Variants in CALN1 observed in about 807,000 individuals in gnomAD.
CALN1 encodes calcium-binding protein 8.
Under a neutral mutation model 30.6 loss-of-function variants are expected in CALN1, and 17 were observed. That is an observed-to-expected ratio of 0.56 (90% CI 0.38 to 0.83). The LOEUF (loss-of-function observed/expected upper bound fraction) is 0.83. CALN1 is among the 40% of genes least tolerant of loss of function. CALN1 has a pLI of 0.00. For missense variants in CALN1, 291 were observed against 354.9 expected (o/e 0.82, Z 1.45); for synonymous variants, 156 against 131.4 (o/e 1.19, Z -1.28).
intron 5 of CALN1, among the ~76,000 whole-genome samples, chr7:71,970,303 C>T (rs1175419312): frequency 2.6e-5 from 4 of 152,152 alleles, no homozygotes; most frequent in Non-Finnish European, 5.9e-5. Context: ...TGATTGCTTC[C>T]TTCCAATCCC....
chr7:72,503,229 C>T, the CALN1 span, among the ~76,000 whole-genome samples: 8 of 152,110 alleles, frequency 5.3e-5, no homozygotes, highest in Non-Finnish European at 5.9e-5. Flanking sequence ...GGGGCTGGGA[C>T]GCTAGCACTA....
intron 4 of CALN1, among the ~76,000 whole-genome samples, chr7:72,088,840 T>C (rs1262144104): frequency 6.6e-6 from 1 of 152,036 alleles, no homozygotes; most frequent in Non-Finnish European, 1.5e-5. Context: ...CATTTGTTTA[T>C]GTGTGTTAAG....
intron 5 of CALN1, among the ~76,000 whole-genome samples, chr7:71,838,268 T>C (rs901992444): frequency 6.6e-6 from 1 of 152,162 alleles, no homozygotes. Flanking sequence ...TTAAGCAGGC[T>C]TGTAGTTAAG....
At chr7:72,050,273 T>C (rs759676824) in intron 4 of CALN1, among the ~76,000 whole-genome samples, 18 of 152,318 alleles carry the variant, frequency 1.2e-4, no homozygotes, top group Non-Finnish European at 2.2e-4. Context: ...CATTATGCCA[T>C]GTTGTCTTTC....
chr7:71,975,018 A>G (rs1373607887), intron 5 of CALN1, among the ~76,000 whole-genome samples: 1 of 152,174 alleles, frequency 6.6e-6, no homozygotes, highest in Non-Finnish European at 1.5e-5. Context: ...AGGGCGGCAC[A>G]TCAGTCACCA....
the CALN1 span, among the ~76,000 whole-genome samples, chr7:72,484,270 AT>A: frequency 6.6e-6 from 1 of 151,026 alleles, no homozygotes; most frequent in South Asian, 2.1e-4. Context: ...AGTATTCTTG[AT>A]TTTTTTTTCT....
At chr7:72,154,130 G>C (rs1374341613) in intron 3 of CALN1, among the ~76,000 whole-genome samples, 1 of 151,894 alleles carries the variant, frequency 6.6e-6, no homozygotes, top group Non-Finnish European at 1.5e-5. Context: ...CAGAAGGCTG[G>C]GATTGGGAAA....
At chr7:71,827,506 C>T (rs946653812) in intron 5 of CALN1, among the ~76,000 whole-genome samples, 6 of 152,108 alleles carry the variant, frequency 3.9e-5, no homozygotes, top group Non-Finnish European at 8.8e-5. Flanking sequence ...CATGGTGGCT[C>T]ACGCCTGTAA....
the CALN1 span, among the ~76,000 whole-genome samples, chr7:72,459,841 G>A: frequency 6.6e-6 from 1 of 152,152 alleles, no homozygotes; most frequent in African/African-American, 2.4e-5. Flanking sequence ...TAGCACCAAA[G>A]TCCAGTCTCC....
intron 4 of CALN1, among the ~76,000 whole-genome samples, chr7:72,087,733 A>C (rs1281301246): frequency 6.6e-6 from 1 of 152,228 alleles, no homozygotes; most frequent in Non-Finnish European, 1.5e-5. Flanking sequence ...AACAGCTATG[A>C]GGGGTATTGG....
intron 5 of CALN1, among the ~76,000 whole-genome samples, chr7:71,836,869 C>T (rs540789117): frequency 2.0e-5 from 3 of 151,280 alleles, no homozygotes; most frequent in Admixed American, 6.6e-5. Flanking sequence ...CTGCCCACCT[C>T]GGCCTCCCAA....
intron 3 of CALN1, among the ~76,000 whole-genome samples, chr7:72,124,021 G>C (rs888633465): frequency 2.0e-5 from 3 of 152,060 alleles, no homozygotes; most frequent in Non-Finnish European, 4.4e-5. Context: ...ATTGCTTTAG[G>C]AATTCTATCT....
intron 3 of CALN1, among the ~76,000 whole-genome samples, chr7:72,243,180 G>C (rs2129551470): frequency 6.6e-6 from 1 of 152,304 alleles, no homozygotes; most frequent in Middle Eastern, 3.4e-3. Flanking sequence ...GATGGTATCA[G>C]TGCCCTTATG....
intron 5 of CALN1, among the ~76,000 whole-genome samples, chr7:71,838,807 T>C (rs1157247780): frequency 6.6e-6 from 1 of 152,156 alleles, no homozygotes; most frequent in Non-Finnish European, 1.5e-5. Context: ...GCTGTAGCCA[T>C]GTGAAGAAGG....
At chr7:72,280,421 A>G (rs909388606) in intron 2 of CALN1, among the ~76,000 whole-genome samples, 4 of 152,238 alleles carry the variant, frequency 2.6e-5, no homozygotes, top group African/African-American at 9.6e-5. Flanking sequence ...GCATTTGCCA[A>G]TTATAAGAGG....
At chr7:72,287,961 GGTTATTTATTGGTATATAATA>G (rs937278041) in intron 2 of CALN1, among the ~76,000 whole-genome samples, 7 of 151,908 alleles carry the variant, frequency 4.6e-5, no homozygotes, top group Non-Finnish European at 7.4e-5. Context: ...AAAGTGATTG[GGTTATTTATTGGTATATAATA>G]GTTATTTATT....
intron 3 of CALN1, among the ~76,000 whole-genome samples, chr7:72,170,585 C>T (rs1788867482): frequency 6.6e-6 from 1 of 152,192 alleles, no homozygotes; most frequent in Non-Finnish European, 1.5e-5. Context: ...CTCCAGAGAA[C>T]AGAGAACATC....
chr7:72,475,983 C>T, the CALN1 span, among the ~76,000 whole-genome samples: 2 of 136,070 alleles, frequency 1.5e-5, no homozygotes, highest in East Asian at 4.5e-4. Context: ...GAGTCTTACC[C>T]TGTCACCCAG....
intron 3 of CALN1, among the ~76,000 whole-genome samples, chr7:72,121,478 AATT>A (rs996579650): frequency 6.8e-6 from 1 of 147,516 alleles, no homozygotes; most frequent in African/African-American, 2.5e-5. Flanking sequence ...ATAGATATAT[AATT>A]ATGTTATTTA....
Sources: gnomAD v4.1 joint callset for allele counts (sites outside exome capture counted in the v4.1 genomes callset) on GRCh38, gnomAD v4.1.1 for gene constraint, MANE v1.5 for transcripts, NCBI Gene and HGNC (gene_info 2026-07-23, HGNC 2026-07-21) for gene names.